NTF3: variants seen among roughly 807,000 people sequenced by gnomAD.
NTF3 encodes neurotrophin 3.
Under a neutral mutation model 26.3 loss-of-function variants are expected in NTF3, and 8 were observed. That is an observed-to-expected ratio of 0.30 (90% CI 0.18 to 0.55). The LOEUF is 0.55. Among genes scored for constraint, NTF3 ranks in the 20% least tolerant of loss-of-function variants. NTF3 has a pLI of 0.93. For synonymous variants in NTF3, 154 were observed against 145.5 expected (o/e 1.06, Z -0.42); for missense variants, 276 against 352.9 (o/e 0.78, Z 1.75).
chr12:5,484,060 G>A (rs1266996294), intron 1 of NTF3, among the ~76,000 whole-genome samples: 1 of 152,196 alleles, frequency 6.6e-6, no homozygotes, highest in Non-Finnish European at 1.5e-5. Context: ...CCTCCCCCAG[G>A]AAACCCTATT....
At chr12:5,470,159 C>T (rs1227313840) in intron 1 of NTF3, among the ~76,000 whole-genome samples, 9 of 152,110 alleles carry the variant, frequency 5.9e-5, no homozygotes, top group Non-Finnish European at 1.0e-4. Context: ...CTCCTGACCT[C>T]GTGATCCACC....
At chr12:5,493,917 A>G (rs1439857941) in intron 1 of NTF3, among the ~76,000 whole-genome samples, 1 of 152,152 alleles carries the variant, frequency 6.6e-6, no homozygotes, top group Non-Finnish European at 1.5e-5. Context: ...TCGTCCACCC[A>G]CAAGCAGAGA....
chr12:5,441,985 C>T (rs1005405730), intron 1 of NTF3, among the ~76,000 whole-genome samples: 43 of 152,194 alleles, frequency 2.8e-4, no homozygotes, highest in Admixed American at 2.6e-3. Context: ...GATAACTCCT[C>T]GTTAGACACT....
rs79211558 is a variant in NTF3, at chr12:5,487,405, G to T, written c.19-6789G>T. ...TCTCGGTCCACTTAGCTTTCTTTTG[G>T]GGTATAGGTTTCTTGTCTGTTCAGG... On this transcript the variant is annotated intron_variant, in intron 1 of 1. Coordinates refer to ENST00000423158, the MANE Select transcript of NTF3 (RefSeq NM_001102654.2). Among the ~76,000 whole-genome samples the T allele has an allele frequency of 7.4e-3, 1,126 of 152,290 alleles. 11 individuals carry two copies. Among genetic ancestry groups the T allele is most frequent in the Middle Eastern group, 0.014 (4 of 294 alleles).
intron 1 of NTF3, among the ~76,000 whole-genome samples, chr12:5,491,931 G>A (rs1448985098): frequency 4.0e-5 from 6 of 151,648 alleles, no homozygotes; most frequent in South Asian, 2.1e-4. Flanking sequence ...AGCCAGGATG[G>A]TCTCGATCTC....
chr12:5,479,632 C>A (rs979163951), intron 1 of NTF3, among the ~76,000 whole-genome samples: 5 of 152,230 alleles, frequency 3.3e-5, no homozygotes, highest in African/African-American at 1.2e-4. Context: ...CATCCCTCAC[C>A]TACTCTGTGC....
At chr12:5,447,449 C>T (rs1591593621) in intron 1 of NTF3, among the ~76,000 whole-genome samples, 1 of 152,282 alleles carries the variant, frequency 6.6e-6, no homozygotes, top group Middle Eastern at 3.4e-3. Context: ...GCTATTTCTG[C>T]CTTAGAGCTA....
chr12:5,441,339 A>T (rs1042865135), intron 1 of NTF3, among the ~76,000 whole-genome samples: 4 of 152,238 alleles, frequency 2.6e-5, no homozygotes, highest in African/African-American at 9.6e-5. Flanking sequence ...TGGCCTAAAT[A>T]TAGAGGGAAA....
chr12:5,443,747 T>C (rs1940268786), intron 1 of NTF3, among the ~76,000 whole-genome samples: 1 of 152,196 alleles, frequency 6.6e-6, no homozygotes, highest in African/African-American at 2.4e-5. Flanking sequence ...TATAGCTCTT[T>C]TACTCCTTGT....
In NTF3 at chr12:5,433,319, G is replaced by T. The variant is rs1940123362; in HGVS notation, c.18+977G>T. ...GGGAGGCCGGGAGACCTGGGCACCC[G>T]CGCAGCCAGCCAGGTCGGAGTTTAA... is the stretch of plus-strand genomic sequence containing the variant. On this transcript the variant is annotated intron_variant, in intron 1 of 1. Coordinates refer to ENST00000423158, the MANE Select transcript of NTF3 (RefSeq NM_001102654.2). The surrounding 1 kb of genome is among the most constrained non-coding windows in gnomAD (Gnocchi z 4.6). 1 of 152,642 alleles carries T rather than the reference G, an allele frequency of 6.6e-6. No individual in the cohort carries two copies. The highest frequency in any genetic ancestry group is 1.5e-5 in the Non-Finnish European group (1 of 68,284). The allele number at this position is 152,642 out of a possible 1,614,324, so 9.5% of individuals were successfully genotyped here. A position where few individuals can be genotyped will look rare whatever the true frequency, so the allele number is the denominator to read the frequency against.
At chr12:5,471,778 G>A (rs1484996359) in intron 1 of NTF3, among the ~76,000 whole-genome samples, 1 of 152,006 alleles carries the variant, frequency 6.6e-6, no homozygotes, top group Non-Finnish European at 1.5e-5. Flanking sequence ...GTGCATATCT[G>A]TCTCCCAGAG....
intron 1 of NTF3, among the ~76,000 whole-genome samples, chr12:5,492,375 A>G (rs1358322484): frequency 6.6e-6 from 1 of 152,254 alleles, no homozygotes; most frequent in East Asian, 1.9e-4. Flanking sequence ...ATAGACTCTC[A>G]GTCCTAAATG....
intron 1 of NTF3, among the ~76,000 whole-genome samples, chr12:5,472,443 G>C (rs1315380748): frequency 6.6e-6 from 1 of 152,062 alleles, no homozygotes; most frequent in Non-Finnish European, 1.5e-5. Context: ...AATGAATTGG[G>C]CTATCATGAT....
chr12:5,431,093 A>T (rs1453133716), upstream of NTF3, among the ~76,000 whole-genome samples: 1 of 152,088 alleles, frequency 6.6e-6, no homozygotes, highest in South Asian at 2.1e-4. Flanking sequence ...AGCTAAAATT[A>T]TCTCCAAATA....
intron 1 of NTF3, among the ~76,000 whole-genome samples, chr12:5,470,790 GT>G (rs1385088768): frequency 6.6e-6 from 1 of 152,246 alleles, no homozygotes; most frequent in African/African-American, 2.4e-5. Context: ...TATCTATGAA[GT>G]CAAATGCATG....
At chr12:5,438,328 G>A (rs1271991747) in intron 1 of NTF3, among the ~76,000 whole-genome samples, 3 of 152,112 alleles carry the variant, frequency 2.0e-5, no homozygotes, top group Admixed American at 6.6e-5. Flanking sequence ...CCCCCACATG[G>A]TCAGAATGCA....
chr12:5,467,704 T>C (rs995486615), intron 1 of NTF3, among the ~76,000 whole-genome samples: 1 of 152,204 alleles, frequency 6.6e-6, no homozygotes, highest in East Asian at 1.9e-4. Flanking sequence ...TTTCTTCAGC[T>C]CTAAAGTGAA....
At chr12:5,471,720 T>C (rs116656103) in intron 1 of NTF3, among the ~76,000 whole-genome samples, 1,646 of 152,288 alleles carry the variant, frequency 0.011, 25 homozygotes, top group African/African-American at 0.037. Flanking sequence ...CTTTGCTCAC[T>C]GGGCATTTCC....
chr12:5,481,381 C>T (rs996002246), intron 1 of NTF3, among the ~76,000 whole-genome samples: 1 of 74,464 alleles, frequency 1.3e-5, no homozygotes, highest in Non-Finnish European at 3.0e-5. Flanking sequence ...CAGACACACA[C>T]ACCAAACAGA....
Sources: gnomAD v4.1 joint callset for allele counts (sites outside exome capture counted in the v4.1 genomes callset) on GRCh38, gnomAD v4.1.1 for gene constraint, Gnocchi (gnomAD v3.1) non-coding constraint, MANE v1.5 for transcripts, NCBI Gene and HGNC (gene_info 2026-07-23, HGNC 2026-07-21) for gene names.